The following GPR158 variants were observed in gnomAD, a reference collection of about 807,000 sequenced individuals.
GPR158 encodes the protein metabotropic glycine receptor.
GPR158 carries 30 observed loss-of-function variants against 78.2 expected under a neutral mutation model. The observed-to-expected ratio is 0.38, with a 90% confidence interval of 0.29 to 0.52. The LOEUF (loss-of-function observed/expected upper bound fraction) is 0.52, where lower values mean the gene tolerates loss of function less well. GPR158 is among the 20% of genes least tolerant of loss of function. GPR158 has a pLI of 0.83. For synonymous variants in GPR158, 581 were observed against 591.1 expected (o/e 0.98, Z 0.25); for missense variants, 1,463 against 1,523.5 (o/e 0.96, Z 0.66).
chr10:25,451,835 C>T (rs1835221563), intron 4 of GPR158, among the ~76,000 whole-genome samples: 1 of 152,088 alleles, frequency 6.6e-6, no homozygotes, highest in African/African-American at 2.4e-5. Flanking sequence ...ATTGTTGTTA[C>T]TCATTACCAC....
Position 25,598,748 on chromosome 10 carries a change from C to G in GPR158, c.3122C>G (p.Thr1041Ser). The G allele has an allele frequency of 6.2e-7, 1 of 1,614,074 alleles. No homozygotes were observed. The highest frequency in any genetic ancestry group is 8.5e-7 in the Non-Finnish European group (1 of 1,180,006). ...IVASEMEKNP[T>S]FSLKEKSHHK... ...GCTTCTGAAATGGAGAAAAACCCCA[C>G]TTTTTCCTTAAAGGAGAAATCTCAC... Residue 1041 changes from threonine (T) to serine (S), a missense_variant, in exon 11 of 11, where the codon ACT (threonine) becomes AGT (serine). Coordinates refer to ENST00000376351, the MANE Select transcript of GPR158 (RefSeq NM_020752.3).
chr10:25,493,647 G>A (rs756528693), intron 5 of GPR158, among the ~76,000 whole-genome samples: 6 of 152,142 alleles, frequency 3.9e-5, no homozygotes, highest in Non-Finnish European at 8.8e-5. Context: ...TCTGATTCAG[G>A]CAGTCAAGTT....
chr10:25,596,222 G>A (rs1038461056), intron 9 of GPR158, among the ~76,000 whole-genome samples: 1 of 152,200 alleles, frequency 6.6e-6, no homozygotes, highest in Non-Finnish European at 1.5e-5. Context: ...TCCAGGTGGT[G>A]TAACCAGTGG....
intron 2 of GPR158, among the ~76,000 whole-genome samples, chr10:25,274,985 TG>T (rs1201497801): frequency 1.3e-5 from 2 of 152,194 alleles, no homozygotes; most frequent in Admixed American, 6.5e-5. Context: ...TTTCCTTATT[TG>T]AAAATTAGTT....
chr10:25,203,773 G>GT (rs1335771985), intron 1 of GPR158, among the ~76,000 whole-genome samples: 19 of 143,922 alleles, frequency 1.3e-4, no homozygotes, highest in African/African-American at 2.9e-4. Context: ...CTTTAAAGTA[G>GT]TTTTTTTTCA....
intron 4 of GPR158, among the ~76,000 whole-genome samples, chr10:25,426,618 C>A (rs1225392651): frequency 4.6e-5 from 7 of 152,034 alleles, no homozygotes; most frequent in Non-Finnish European, 8.8e-5. Flanking sequence ...TCAGAATACA[C>A]AAGATTTATG....
chr10:25,343,217 A>T (rs1002449578), intron 2 of GPR158, among the ~76,000 whole-genome samples: 1 of 151,986 alleles, frequency 6.6e-6, no homozygotes, highest in Non-Finnish European at 1.5e-5. Flanking sequence ...TTTAATGTTC[A>T]GGGATTTTCA....
chr10:25,200,048 G>A (rs1432038938), intron 1 of GPR158, among the ~76,000 whole-genome samples: 1 of 152,110 alleles, frequency 6.6e-6, no homozygotes, highest in African/African-American at 2.4e-5. Flanking sequence ...GGACTGCTTG[G>A]TCAAATGGCA....
Position 25,395,940 on chromosome 10 carries a change from T to A in GPR158, c.1038T>A (p.Val346=). 1 of 1,605,742 alleles carries A rather than the reference T, an allele frequency of 6.2e-7. No individual in the cohort carries two copies. Among genetic ancestry groups the A allele is most frequent in the Non-Finnish European group, 8.5e-7 (1 of 1,172,466 alleles). ...TGCCAATTAAAGGCCTAGGATTCGT[T>A]CTTGGAGCCTATGAGTGCATTTGCA... The part of the protein sequence containing the change: ...ECMPIKGLGF[V]LGAYECICKA... The change falls in exon 3 of 11, where the codon GTT becomes GTA. Residue 346 remains valine, a synonymous_variant. Transcript: ENST00000376351.
chr10:25,391,546 C>A (rs77650363), intron 2 of GPR158, among the ~76,000 whole-genome samples: 8 of 152,150 alleles, frequency 5.3e-5, no homozygotes, highest in African/African-American at 1.9e-4. Context: ...TTTCATGAGG[C>A]CTGTAGCCCC....
chr10:25,249,719 T>G (rs1355132585), intron 2 of GPR158, among the ~76,000 whole-genome samples: 5 of 151,990 alleles, frequency 3.3e-5, no homozygotes, highest in African/African-American at 1.2e-4. Flanking sequence ...TTTGCCAGTA[T>G]TTTATTGATG....
At chr10:25,251,729 C>G (rs1238499509) in intron 2 of GPR158, among the ~76,000 whole-genome samples, 3 of 151,726 alleles carry the variant, frequency 2.0e-5, no homozygotes, top group Non-Finnish European at 4.4e-5. Context: ...CGACCTTTCT[C>G]TCTGGCTGCC....
At chr10:25,382,441 A>C (rs887313590) in intron 2 of GPR158, among the ~76,000 whole-genome samples, 2 of 152,322 alleles carry the variant, frequency 1.3e-5, no homozygotes, top group East Asian at 3.9e-4. Context: ...TTTTAATTTT[A>C]ACGATGTCAT....
At chr10:25,595,642 T>G (rs1346883284) in intron 9 of GPR158, among the ~76,000 whole-genome samples, 1 of 152,210 alleles carries the variant, frequency 6.6e-6, no homozygotes, top group Non-Finnish European at 1.5e-5. Context: ...ATGCCACACA[T>G]TGCATGATTC....
intron 2 of GPR158, among the ~76,000 whole-genome samples, chr10:25,243,748 C>T (rs535995265): frequency 6.8e-4 from 104 of 152,208 alleles, no homozygotes; most frequent in African/African-American, 2.3e-3. Context: ...GTCCCTAGTA[C>T]CAGCCAGAGA....
intron 1 of GPR158, among the ~76,000 whole-genome samples, chr10:25,198,001 T>C (rs1852866580): frequency 6.6e-6 from 1 of 152,038 alleles, no homozygotes; most frequent in East Asian, 1.9e-4. Context: ...ACCACAAAAA[T>C]GAGATGTTGG....
In GPR158 at chr10:25,599,539, C is replaced by T; in HGVS notation, c.*265C>T. The T allele has an allele frequency of 2.3e-6, 1 of 438,382 alleles. No individual in the cohort carries two copies. Among genetic ancestry groups the T allele is most frequent in the South Asian group, 2.8e-5 (1 of 35,588 alleles). 27.2% of individuals were successfully genotyped at this position (438,382 alleles called of 1,614,324 possible). ...TTTCAGCATGTTTAAGGAAAATAGC[C>T]CACAATGTCTGCCCTGATCAATATG... On this transcript the variant is annotated 3_prime_UTR_variant, in exon 11 of 11. Coordinates refer to ENST00000376351, the MANE Select transcript of GPR158 (RefSeq NM_020752.3).
chr10:25,419,267 C>G (rs1834712511), intron 4 of GPR158, among the ~76,000 whole-genome samples: 1 of 152,054 alleles, frequency 6.6e-6, no homozygotes, highest in Non-Finnish European at 1.5e-5. Flanking sequence ...TTGTATCTGA[C>G]TTATTTTATT....
At chr10:25,332,116 G>GC (rs1200574297) in intron 2 of GPR158, among the ~76,000 whole-genome samples, 3 of 146,466 alleles carry the variant, frequency 2.0e-5, no homozygotes, top group African/African-American at 8.3e-5. Context: ...AAATCACCTG[G>GC]GGGGGGGCGA....
Sources: allele counts gnomAD v4.1 joint callset (sites outside exome capture counted in the v4.1 genomes callset), GRCh38; gene constraint gnomAD v4.1.1; transcripts MANE v1.5; gene names NCBI Gene and HGNC (gene_info 2026-07-23, HGNC 2026-07-21).